ATG13: variants seen among roughly 807,000 people sequenced by gnomAD.
ATG13 encodes the protein autophagy related 13, also known as autophagy-related protein 13.
In ATG13, 23 loss-of-function variants were observed where a neutral mutation model predicts 65.5. That is an observed-to-expected ratio of 0.35 (90% CI 0.25 to 0.50). ATG13 has a LOEUF of 0.50. ATG13 is among the 20% of genes least tolerant of loss of function. The probability of loss-of-function intolerance (pLI) is 0.98; values close to 1 mark genes in which losing one functional copy is unlikely to be tolerated. For synonymous variants in ATG13, 252 were observed against 245.2 expected (o/e 1.03, Z -0.26); for missense variants, 566 against 677.0 (o/e 0.84, Z 1.82).
At chr11:46,650,607 A>T (rs1218611378) in intron 7 of ATG13, among the ~76,000 whole-genome samples, 2 of 152,036 alleles carry the variant, frequency 1.3e-5, no homozygotes, top group African/African-American at 4.8e-5. Flanking sequence ...CAAGAGTTTT[A>T]TTTATTTATT....
At chr11:46,672,233 C>T in intron 18 of ATG13, 22 bp from the exon 19 acceptor site, 1 of 1,614,050 alleles carries the variant, frequency 6.2e-7, no homozygotes, top group Non-Finnish European at 8.5e-7. Context: ...ATAAACGGCT[C>T]TTCCCTCTCT....
At chr11:46,636,557 CAAAAAAA>C (rs374517009) in intron 2 of ATG13, among the ~76,000 whole-genome samples, 755 of 47,306 alleles carry the variant, frequency 0.016, 9 homozygotes, top group Non-Finnish European at 0.024. Flanking sequence ...GACTCCGTCT[CAAAAAAA>C]AAAAAAAAAA....
intron 18 of ATG13, among the ~76,000 whole-genome samples, chr11:46,670,777 C>T (rs192019787): frequency 6.6e-6 from 1 of 151,974 alleles, no homozygotes; most frequent in African/African-American, 2.4e-5. Context: ...TGCGCCACTG[C>T]CTCTAGCCTA....
chr11:46,645,504 T>G lies in ATG13; in HGVS notation c.150+85T>G, dbSNP rs938390121. 20 of 1,112,708 alleles carry G rather than the reference T, an allele frequency of 1.8e-5. No individual in the cohort carries two copies. In the African/African-American group the frequency reaches 3.0e-4, roughly 17 times the overall value. The allele number at this position is 1,112,708 out of a possible 1,614,324, so 68.9% of individuals were successfully genotyped here. A position where few individuals can be genotyped will look rare whatever the true frequency, so the allele number is the denominator to read the frequency against. ...AGTTCTCAAGTGCAATAATAAGTAA[T>G]ACCATTTATAGTATTATAAAAGTAA... On this transcript the variant is annotated intron_variant, in intron 4 of 18. Transcript: ENST00000683050.
chr11:46,667,027 A>G (rs2062523200), intron 14 of ATG13, among the ~76,000 whole-genome samples: 1 of 151,610 alleles, frequency 6.6e-6, no homozygotes, highest in Non-Finnish European at 1.5e-5. Context: ...GGCATTTTAC[A>G]CTCTAGTTTT....
At chr11:46,646,763 C>G (rs2057671017) in intron 5 of ATG13, among the ~76,000 whole-genome samples, 1 of 151,192 alleles carries the variant, frequency 6.6e-6, no homozygotes, top group Non-Finnish European at 1.5e-5. Flanking sequence ...CTGCGCCTGG[C>G]CTGTTTTGTT....
chr11:46,624,685 T>C, intron 1 of ATG13, among the ~76,000 whole-genome samples: 1 of 152,102 alleles, frequency 6.6e-6, no homozygotes, highest in East Asian at 1.9e-4. Flanking sequence ...GTTTCTTCAA[T>C]TGTTGTCCAG....
intron 2 of ATG13, among the ~76,000 whole-genome samples, chr11:46,630,426 C>T (rs2051270673): frequency 6.6e-6 from 1 of 152,116 alleles, no homozygotes; most frequent in African/African-American, 2.4e-5. Flanking sequence ...TTGTGTGTTT[C>T]ATGATGAGTG....
At chr11:46,631,184 G>C (rs1041826291) in intron 2 of ATG13, among the ~76,000 whole-genome samples, 5 of 152,152 alleles carry the variant, frequency 3.3e-5, no homozygotes, top group Non-Finnish European at 7.3e-5. Flanking sequence ...CTATATGTAT[G>C]TATGTATGTA....
chr11:46,622,369 G>C (rs1038218937), intron 1 of ATG13, among the ~76,000 whole-genome samples: 2 of 151,544 alleles, frequency 1.3e-5, no homozygotes, highest in Non-Finnish European at 2.9e-5. Context: ...CGCCTGCCTC[G>C]GTCTCCCAAA....
intron 2 of ATG13, among the ~76,000 whole-genome samples, chr11:46,641,510 AAGTT>A (rs1226409519): frequency 2.0e-5 from 3 of 152,228 alleles, no homozygotes; most frequent in Non-Finnish European, 4.4e-5. Context: ...ACACACAAAA[AAGTT>A]AGTATTATTG....
At chr11:46,671,504 G>A (rs549206012) in intron 18 of ATG13, among the ~76,000 whole-genome samples, 134 of 152,258 alleles carry the variant, frequency 8.8e-4, no homozygotes, top group African/African-American at 3.1e-3. Context: ...TTGGGAGGCC[G>A]AGGCGGGTGG....
chr11:46,643,599 C>T (rs1383919131), intron 2 of ATG13, among the ~76,000 whole-genome samples: 1 of 149,436 alleles, frequency 6.7e-6, no homozygotes, highest in East Asian at 1.9e-4. Context: ...CAAATCATTT[C>T]AACCTGGGAG....
chr11:46,619,840 C>T (rs2046825300), intron 1 of ATG13, among the ~76,000 whole-genome samples: 2 of 151,488 alleles, frequency 1.3e-5, no homozygotes, highest in African/African-American at 2.4e-5. Context: ...CCAGCCTGGC[C>T]AACAAGGTGA....
At chr11:46,657,999 G>A (rs945562185) in intron 10 of ATG13, among the ~76,000 whole-genome samples, 4 of 151,952 alleles carry the variant, frequency 2.6e-5, no homozygotes, top group Non-Finnish European at 5.9e-5. Context: ...AACCTGGGAG[G>A]CAGAGGTTGC....
chr11:46,656,864 A>G (rs942076860), intron 8 of ATG13: 4 of 493,578 alleles, frequency 8.1e-6, no homozygotes, highest in Admixed American at 7.2e-5. Flanking sequence ...CCTTGCCAAT[A>G]TTGGCTCAAT....
intron 2 of ATG13, among the ~76,000 whole-genome samples, chr11:46,631,770 T>C (rs2051828962): frequency 1.3e-5 from 2 of 152,034 alleles, no homozygotes; most frequent in Admixed American, 1.3e-4. Flanking sequence ...TCTCAGCTAC[T>C]TGAGAGGCTG....
At chr11:46,623,271 G>A (rs943729642) in intron 1 of ATG13, among the ~76,000 whole-genome samples, 2 of 152,082 alleles carry the variant, frequency 1.3e-5, no homozygotes, top group African/African-American at 4.8e-5. Flanking sequence ...TCCAGTCTGG[G>A]CAACAGAGCA....
intron 2 of ATG13, among the ~76,000 whole-genome samples, chr11:46,640,354 T>TA (rs1371102909): frequency 1.3e-5 from 2 of 152,104 alleles, no homozygotes; most frequent in Non-Finnish European, 2.9e-5. Flanking sequence ...TGTTAAAAAA[T>TA]AAAAAATAGG....
Sources: allele counts gnomAD v4.1 joint callset (sites outside exome capture counted in the v4.1 genomes callset), GRCh38; gene constraint gnomAD v4.1.1; transcripts MANE v1.5; gene names NCBI Gene and HGNC (gene_info 2026-07-23, HGNC 2026-07-21).